DOCK10: variants seen among roughly 807,000 people sequenced by gnomAD.
DOCK10 encodes dedicator of cytokinesis protein 10.
Under a neutral mutation model 280.1 loss-of-function variants are expected in DOCK10, and 145 were observed. That is an observed-to-expected ratio of 0.52 (90% CI 0.45 to 0.59). DOCK10 has a LOEUF of 0.59. Among genes scored for constraint, DOCK10 ranks in the 20% least tolerant of loss-of-function variants. DOCK10 has a pLI of 0.00. For missense variants in DOCK10, 2,368 were observed against 2,651.7 expected (o/e 0.89, Z 2.35); for synonymous variants, 915 against 942.2 (o/e 0.97, Z 0.53).
At chr2:224,983,787 T>C (rs1705873208) in intron 1 of DOCK10, 1 of 470,982 alleles carries the variant, frequency 2.1e-6, no homozygotes, top group Non-Finnish European at 4.4e-6. Flanking sequence ...TCTCCCTCTG[T>C]TTTGAGCAAA....
rs148148379 is a variant in DOCK10 at position 225,038,480 on chromosome 2, T to G, written c.123+3772A>C. 6.6e-5 allele frequency among the ~76,000 whole-genome samples: 10 copies of G among 152,216 alleles called. No homozygotes were observed. The East Asian group carries it at 1.9e-3, about 29-fold the overall frequency. On this transcript the variant is annotated intron_variant, in intron 1 of 55. Coordinates refer to ENST00000258390, the MANE Select transcript of DOCK10 (RefSeq NM_014689.3). ...ATATCAAAAGTGGTATTATTGGAGG[T>G]CTGAAGAGTTAGGAAACATCAAAGA...
Position 225,042,244 on chromosome 2 carries a change from G to A in DOCK10, c.123+8C>T, listed in dbSNP as rs1157357174. 2 of 1,280,272 alleles carry A rather than the reference G, an allele frequency of 1.6e-6. No homozygotes were observed. The highest frequency in any genetic ancestry group is 2.0e-6 in the Non-Finnish European group (2 of 1,016,152). The allele number at this position is 1,280,272 out of a possible 1,614,324, so 79.3% of individuals were successfully genotyped here. On this transcript the variant is annotated splice_region_variant and intron_variant, in intron 1 of 55. Coordinates refer to ENST00000258390, the MANE Select transcript of DOCK10 (RefSeq NM_014689.3). The surrounding 1 kb of genome is among the most constrained non-coding windows in gnomAD (Gnocchi z 5.1). The stretch of plus-strand genomic sequence containing the variant: ...CGCGGGAAGGCGCGGAGGACGCGCC[G>A]CACTCACCCGCTGCTGCTGCCGGCT...
At chr2:224,961,446 C>CTTTCTTTCTTTCTT (rs1553623678) in intron 1 of DOCK10, among the ~76,000 whole-genome samples, 15 of 130,640 alleles carry the variant, frequency 1.1e-4, no homozygotes, top group African/African-American at 4.1e-4. Context: ...TTCTTTCTTT[C>CTTTCTTTCTTTCTT]TTTCTTTCTT....
At chr2:224,840,194 C>A in intron 23 of DOCK10, 122 bp from the exon 24 acceptor site, 2 of 546,926 alleles carry the variant, frequency 3.7e-6, no homozygotes, top group Non-Finnish European at 6.5e-6. Flanking sequence ...TGACATTAGA[C>A]TGGGCAATGA....
chr2:224,843,118 G>T (rs1696084566), intron 22 of DOCK10, among the ~76,000 whole-genome samples: 1 of 152,182 alleles, frequency 6.6e-6, no homozygotes. Flanking sequence ...ATATTGCGGG[G>T]AGTGTCCACC....
At chr2:224,778,342 C>T in intron 50 of DOCK10, 58 bp from the exon 51 acceptor site, 1 of 1,511,920 alleles carries the variant, frequency 6.6e-7, no homozygotes, top group Non-Finnish European at 9.0e-7. Context: ...AAATCAAAAG[C>T]AAAACAAAAA....
At chr2:224,792,712 T>G (rs1284876068) in intron 47 of DOCK10, among the ~76,000 whole-genome samples, 1 of 152,268 alleles carries the variant, frequency 6.6e-6, no homozygotes, top group African/African-American at 2.4e-5. Flanking sequence ...GATTGGTAGC[T>G]AAATATGGCT....
At chr2:224,868,248 A>G (rs1298181987) in intron 11 of DOCK10, among the ~76,000 whole-genome samples, 1 of 152,236 alleles carries the variant, frequency 6.6e-6, no homozygotes, top group Admixed American at 6.5e-5. Context: ...GAAAGATTCA[A>G]GAAGGAAAGA....
At chr2:225,014,082 T>TATATATATATATATATATATA (rs143161746) in intron 1 of DOCK10, among the ~76,000 whole-genome samples, 1 of 45,716 alleles carries the variant, frequency 2.2e-5, no homozygotes, top group African/African-American at 8.8e-5. Context: ...TCTGAATATA[T>TATATATATATATATATATATA]TGTTTTTTTT....
rs776911787 is a variant in DOCK10, at chr2:224,814,328, T to G, written c.3401A>C (p.His1134Pro). The change falls in exon 31 of 56, where the codon CAT (histidine) becomes CCT (proline). Residue 1134 changes from histidine (H) to proline (P), a missense_variant. His to Pro is a moderately conservative substitution (Grantham distance 77). Coordinates refer to ENST00000258390, the MANE Select transcript of DOCK10 (RefSeq NM_014689.3). ...LTPSESTQEL[H>P]ASDMPEYSVT... ...AAGGTAATATCACTTACCTGATGCA[T>G]GTAACTCTTGAGTCGATTCTGAAGG... 1 of 1,533,572 alleles carries G rather than the reference T, an allele frequency of 6.5e-7. No individual in the cohort carries two copies. Among genetic ancestry groups the G allele is most frequent in the African/African-American group, 1.4e-5 (1 of 72,362 alleles). 95.0% of individuals were successfully genotyped at this position (1,533,572 alleles called of 1,614,324 possible). A position where few individuals can be genotyped will look rare whatever the true frequency, so the allele number is the denominator to read the frequency against.
At chr2:224,973,568 G>A (rs1046241233) in intron 1 of DOCK10, among the ~76,000 whole-genome samples, 3 of 152,070 alleles carry the variant, frequency 2.0e-5, no homozygotes, top group African/African-American at 7.2e-5. Flanking sequence ...CTAGCACCCC[G>A]AGAAAGGAAT....
At chr2:224,839,402 C>T (rs1695811980) in intron 24 of DOCK10, among the ~76,000 whole-genome samples, 1 of 152,016 alleles carries the variant, frequency 6.6e-6, no homozygotes, top group African/African-American at 2.4e-5. Flanking sequence ...CCACCGGGCC[C>T]AGCCGTTCAT....
chr2:225,022,458 AC>A (rs146316667), intron 1 of DOCK10, among the ~76,000 whole-genome samples: 23,261 of 152,172 alleles, frequency 0.15, 2,483 homozygotes, highest in Non-Finnish European at 0.21. Context: ...CAAGTCACAA[AC>A]CTTACCCGTA....
intron 27 of DOCK10, among the ~76,000 whole-genome samples, chr2:224,829,254 G>A (rs1695065137): frequency 6.6e-6 from 1 of 152,204 alleles, no homozygotes; most frequent in Admixed American, 6.5e-5. Context: ...CTAAAGTTCT[G>A]TTAACAGTAG....
At chr2:224,883,424 C>T (rs778341682) in intron 7 of DOCK10, among the ~76,000 whole-genome samples, 7 of 152,056 alleles carry the variant, frequency 4.6e-5, no homozygotes, top group African/African-American at 7.2e-5. Context: ...ATATCCGGAA[C>T]GTAAATCAAG....
chr2:224,817,265 A>G (rs1694189395), intron 29 of DOCK10, among the ~76,000 whole-genome samples: 3 of 152,222 alleles, frequency 2.0e-5, no homozygotes, highest in African/African-American at 7.2e-5. Flanking sequence ...TGTTTGAGTT[A>G]GATGGAGAGA....
intron 7 of DOCK10, 33 bp downstream of exon 7, chr2:224,885,638 A>C (rs1401702919): frequency 6.5e-7 from 1 of 1,530,038 alleles, no homozygotes; most frequent in Non-Finnish European, 8.8e-7. Context: ...AAATAAAAAA[A>C]AATCCCAAGG....
At chr2:224,916,578 G>T in intron 3 of DOCK10, 117 bp downstream of exon 3, 32 of 504,330 alleles carry the variant, frequency 6.3e-5, no homozygotes, top group Middle Eastern at 5.0e-4. Flanking sequence ...CCACTAGTTA[G>T]AATATTTGGA....
At chr2:224,949,439 T>C (rs1429153328) in intron 1 of DOCK10, among the ~76,000 whole-genome samples, 1 of 152,220 alleles carries the variant, frequency 6.6e-6, no homozygotes, top group East Asian at 1.9e-4. Context: ...AAGACATCAC[T>C]GAACTTTGTG....
Sources: gnomAD v4.1 joint callset for allele counts (sites outside exome capture counted in the v4.1 genomes callset) on GRCh38, gnomAD v4.1.1 for gene constraint, Gnocchi (gnomAD v3.1) non-coding constraint, MANE v1.5 for transcripts, NCBI Gene and HGNC (gene_info 2026-07-23, HGNC 2026-07-21) for gene names.